Variants in LUC7L observed in about 807,000 individuals in gnomAD.
LUC7L encodes the protein putative RNA-binding protein Luc7-like 1.
LUC7L carries 29 observed loss-of-function variants against 51.1 expected under a neutral mutation model. The observed-to-expected ratio is 0.57, with a 90% CI of 0.42 to 0.77. The LOEUF (loss-of-function observed/expected upper bound fraction) is 0.77, where lower values mean the gene tolerates loss of function less well. Ranked by LOEUF, LUC7L falls within the 30% of genes least tolerant of loss-of-function variation. LUC7L has a pLI of 0.00. For missense variants in LUC7L, 403 were observed against 511.9 expected (o/e 0.79, Z 2.05); for synonymous variants, 181 against 180.7 (o/e 1.00, Z -0.01).
At position 190,028 on chromosome 16, in the gene LUC7L, C is replaced by A. The variant is rs148192154; in HGVS notation, c.914G>T (p.Arg305Leu). The A allele has an allele frequency of 1.2e-6, 2 of 1,614,022 alleles. No individual in the cohort carries two copies. The highest frequency in any genetic ancestry group is 1.3e-5 in the African/African-American group (1 of 75,032). Residue 305 changes from arginine (R) to leucine (L), a missense_variant, in exon 9 of 10, where the codon CGT becomes CTT. Arg to Leu is a moderately radical substitution (Grantham distance 102). This residue lies in a region of LUC7L where 206 missense variants were observed against 218.3 expected (regional missense o/e 0.94). Coordinates refer to ENST00000293872, the MANE Select transcript of LUC7L (RefSeq NM_201412.3). The stretch of plus-strand genomic sequence containing the variant: ...ATGTCCCCGGCTGTGGCTCCGGGAA[C>A]GGCTGCGGTGGCGCCGATGTCTATC... ...SRDRHRRHRS[R>L]SRSHSRGHRR...
rs1742648619 is a variant in LUC7L, at chr16:204,087, A to C, written c.510+1917T>G. 1.3e-5 allele frequency among the ~76,000 whole-genome samples: 2 copies of C among 152,170 alleles called. 1 individual carries two copies. Among genetic ancestry groups the C allele is most frequent in the South Asian group, 4.1e-4 (2 of 4,832 alleles). On this transcript the variant is annotated intron_variant, in intron 5 of 9. Coordinates refer to ENST00000293872, the MANE Select transcript of LUC7L (RefSeq NM_201412.3). ...CAGCACCCGCAAGCATGAAATATTTAGGTAGAAATCTAACAAAACATGCAT... is the reference window on the plus strand; with the variant it reads ...CAGCACCCGCAAGCATGAAATATTTCGGTAGAAATCTAACAAAACATGCAT...
intron 3 of LUC7L, chr16:208,653 C>A: frequency 1.0e-6 from 1 of 985,810 alleles, no homozygotes; most frequent in African/African-American, 1.7e-5. Context: ...AGGGTAGGGT[C>A]CCCCCTTTCA....
intron 3 of LUC7L, among the ~76,000 whole-genome samples, chr16:212,019 C>T (rs578257407): frequency 6.6e-6 from 1 of 152,178 alleles, no homozygotes; most frequent in East Asian, 1.9e-4. Flanking sequence ...AGGGGCCGGG[C>T]GCGGTGGCTC....
chr16:210,418 G>T (rs1049489030), intron 3 of LUC7L, among the ~76,000 whole-genome samples: 5 of 152,176 alleles, frequency 3.3e-5, no homozygotes, highest in Admixed American at 6.6e-5. Context: ...CTGTACACTG[G>T]ACTTTCTGGA....
At chr16:205,203 G>C (rs2049448220) in intron 5 of LUC7L, among the ~76,000 whole-genome samples, 1 of 152,152 alleles carries the variant, frequency 6.6e-6, no homozygotes, top group African/African-American at 2.4e-5. Flanking sequence ...TTTAGAGACA[G>C]GGTCTTGCTA....
Position 217,939 on chromosome 16 carries a change from T to C in LUC7L, c.255+2710A>G, listed in dbSNP as rs1451544449. ...CTGTAATCACAGCTACTTGGGAGGC[T>C]GAGGCATGAGAAGAGAAGGAGGTTG... On this transcript the variant is annotated intron_variant, in intron 3 of 9. Coordinates refer to ENST00000293872, the MANE Select transcript of LUC7L (RefSeq NM_201412.3). Among the ~76,000 whole-genome samples the C allele has an allele frequency of 2.0e-5, 3 of 148,230 alleles. No individual in the cohort carries two copies. In the East Asian group the frequency reaches 5.9e-4, roughly 29 times the overall value.
Position 199,042 on chromosome 16 carries a change from C to G in LUC7L, c.687+20G>C, listed in dbSNP as rs1446931919. On this transcript the variant is annotated intron_variant, in intron 6 of 9. Transcript: ENST00000293872. ...ACACCCCAAGACTCCTCAGCTTTCT[C>G]CAGAAACAGATGAACATACCCTCAA... is the stretch of plus-strand genomic sequence containing the variant. 1.9e-6 allele frequency: 3 copies of G among 1,574,134 alleles called. No individual in the cohort carries two copies. The highest frequency in any genetic ancestry group is 1.1e-5 in the South Asian group (1 of 87,082).
In LUC7L at chr16:208,004, A is replaced by G. The variant is rs1211104329; in HGVS notation, c.366+74T>C. On this transcript the variant is annotated intron_variant, in intron 4 of 9. Transcript: ENST00000293872. ...AGCCTGGGTGACAGAGGGAGACTCC[A>G]TCTCAAAAAAAAAAGCTATTGACAA... 12 of 1,026,140 alleles carry G rather than the reference A, an allele frequency of 1.2e-5. No individual in the cohort carries two copies. In the African/African-American group the frequency reaches 1.6e-4, roughly 14 times the overall value. The allele number at this position is 1,026,140 out of a possible 1,614,324, so 63.6% of individuals were successfully genotyped here.
At chr16:220,505 T>G (rs1596673435) in intron 3 of LUC7L, 144 bp downstream of exon 3, 21 of 665,642 alleles carry the variant, frequency 3.2e-5, no homozygotes. Context: ...GTACTGGCTG[T>G]ATTCTAGCTC....
intron 5 of LUC7L, among the ~76,000 whole-genome samples, chr16:201,900 C>T (rs1467544381): frequency 1.3e-5 from 2 of 151,864 alleles, no homozygotes; most frequent in African/African-American, 4.8e-5. Context: ...CCCGCCACCA[C>T]ACCTGGCTAA....
chr16:208,968 G>C (rs1466303058), intron 3 of LUC7L: 3 of 152,066 alleles, frequency 2.0e-5, no homozygotes, highest in African/African-American at 4.8e-5. Context: ...GGCCAAGGTG[G>C]GCGGATCATG....
intron 5 of LUC7L, among the ~76,000 whole-genome samples, chr16:205,481 T>C (rs993428630): frequency 5.3e-5 from 8 of 152,190 alleles, no homozygotes; most frequent in African/African-American, 1.7e-4. Context: ...ACCCACTGAC[T>C]GTGGGCAGAT....
intron 4 of LUC7L, 75 bp from the exon 5 acceptor site, chr16:206,222 G>A: frequency 7.1e-7 from 1 of 1,411,120 alleles, no homozygotes; most frequent in Non-Finnish European, 9.8e-7. Context: ...GGTTTCTCCT[G>A]CTCCATTTCC....
At chr16:196,296 T>C (rs527395372) in intron 6 of LUC7L, among the ~76,000 whole-genome samples, 5 of 152,018 alleles carry the variant, frequency 3.3e-5, no homozygotes, top group South Asian at 4.2e-4. Flanking sequence ...TAGTACCAGC[T>C]ACTTGGAGGG....
intron 6 of LUC7L, among the ~76,000 whole-genome samples, chr16:196,990 C>T (rs536061355): frequency 4.7e-5 from 7 of 149,062 alleles, no homozygotes; most frequent in African/African-American, 1.5e-4. Flanking sequence ...TCAGTGCAAG[C>T]TCCGCCTCCC....
At chr16:203,210 T>C (rs1340114559) in intron 5 of LUC7L, among the ~76,000 whole-genome samples, 3 of 152,130 alleles carry the variant, frequency 2.0e-5, no homozygotes, top group East Asian at 1.9e-4. Context: ...AAGAAACAGA[T>C]GATCTGAATG....
At chr16:222,549 G>C (rs2050002311) in intron 2 of LUC7L, among the ~76,000 whole-genome samples, 1 of 151,946 alleles carries the variant, frequency 6.6e-6, no homozygotes, top group Non-Finnish European at 1.5e-5. Context: ...GAGGGGAAGA[G>C]ATCGCTTGAG....
rs537129735 is a variant in LUC7L at position 212,379 on chromosome 16, C to T, written c.256-4191G>A. Among the ~76,000 whole-genome samples, 7 of 152,268 alleles carry T rather than the reference C, an allele frequency of 4.6e-5. No homozygotes were observed. The South Asian group carries it at 1.5e-3, about 32-fold the overall frequency. ...CACAGCTACCAAACCACTAAGTAAG[C>T]AATGGAGTCAGGATCCAAGGACCCT... On this transcript the variant is annotated intron_variant, in intron 3 of 9. Transcript: ENST00000293872.
At chr16:200,643 A>T (rs1225706167) in intron 5 of LUC7L, among the ~76,000 whole-genome samples, 1 of 152,082 alleles carries the variant, frequency 6.6e-6, no homozygotes, top group African/African-American at 2.4e-5. Flanking sequence ...GCACTTTAGG[A>T]GAGTGAAGCA....
Sources: allele counts gnomAD v4.1 joint callset (sites outside exome capture counted in the v4.1 genomes callset), GRCh38; gene constraint gnomAD v4.1.1; regional missense constraint gnomAD v4.1.1; transcripts MANE v1.5; gene names NCBI Gene and HGNC (gene_info 2026-07-23, HGNC 2026-07-21).